Variants in TOM1L2 observed in about 807,000 individuals in gnomAD.
TOM1L2 encodes TOM1-like protein 2.
A neutral mutation model predicts 67.9 loss-of-function variants in TOM1L2; 31 were observed. The ratio of observed to expected loss-of-function variants is 0.46; its 90% CI spans 0.34 to 0.62. The LOEUF is 0.62. Among genes scored for constraint, TOM1L2 ranks in the 20% least tolerant of loss-of-function variants. The pLI is 0.01. For synonymous variants in TOM1L2, 256 were observed against 254.0 expected, an observed-to-expected ratio of 1.01 and a Z score of -0.07; for missense variants, 606 against 663.5, an observed-to-expected ratio of 0.91 and a Z score of 0.95.
intron 1 of TOM1L2, among the ~76,000 whole-genome samples, chr17:17,962,054 C>T (rs1308111057): frequency 6.6e-6 from 1 of 152,206 alleles, no homozygotes; most frequent in East Asian, 1.9e-4. Context: ...AGGAAGGAAA[C>T]TTTGACATGC....
intron 11 of TOM1L2, chr17:17,862,404 A>T (rs1368948288): frequency 4.6e-6 from 1 of 219,534 alleles, no homozygotes; most frequent in Non-Finnish European, 8.9e-6. Flanking sequence ...TCTCCTGTGG[A>T]TGAGGGGCCA....
At chr17:17,854,793 C>T (rs772235089) in intron 12 of TOM1L2, among the ~76,000 whole-genome samples, 2 of 152,044 alleles carry the variant, frequency 1.3e-5, no homozygotes, top group Non-Finnish European at 2.9e-5. Context: ...CTTGGCCTCC[C>T]AAAGTGCTGG....
At chr17:17,896,378 A>G (rs1483345971) in intron 3 of TOM1L2, among the ~76,000 whole-genome samples, 3 of 152,150 alleles carry the variant, frequency 2.0e-5, no homozygotes, top group Admixed American at 6.5e-5. Context: ...TGAGGAGTAG[A>G]GCAGCCTGGG....
At chr17:17,891,839 CAGA>C (rs2038300984) in intron 4 of TOM1L2, among the ~76,000 whole-genome samples, 1 of 144,636 alleles carries the variant, frequency 6.9e-6, no homozygotes, top group South Asian at 2.2e-4. Flanking sequence ...GACAGAGAGA[CAGA>C]AGGATATTGG....
chr17:17,901,217 T>C (rs887686922), intron 2 of TOM1L2, among the ~76,000 whole-genome samples: 1 of 152,120 alleles, frequency 6.6e-6, no homozygotes, highest in African/African-American at 2.4e-5. Flanking sequence ...ATCAAAGTCA[T>C]GTCAAAGGAA....
chr17:17,866,167 G>C lies in TOM1L2; in HGVS notation c.1084+129C>G, dbSNP rs995379226. The C allele has an allele frequency of 6.4e-5, 77 of 1,193,820 alleles. No individual in the cohort carries two copies. The East Asian group carries it at 2.1e-3, about 32-fold the overall frequency. The allele number at this position is 1,193,820 out of a possible 1,614,324, so 74.0% of individuals were successfully genotyped here. ...AGGTGGTACAACTGGCTAGGACTCA[G>C]GAATACACTTTCACATGTATTTCCC... On this transcript the variant is annotated intron_variant, in intron 10 of 14. Coordinates refer to ENST00000379504, the MANE Select transcript of TOM1L2 (RefSeq NM_001082968.2).
At chr17:17,913,717 G>A (rs2144523964) in intron 1 of TOM1L2, among the ~76,000 whole-genome samples, 1 of 152,264 alleles carries the variant, frequency 6.6e-6, no homozygotes, top group Non-Finnish European at 1.5e-5. Context: ...TGAATAGAAT[G>A]CACTGACCCT....
At chr17:17,909,867 A>G (rs1021577447) in intron 1 of TOM1L2, among the ~76,000 whole-genome samples, 1 of 152,162 alleles carries the variant, frequency 6.6e-6, no homozygotes, top group Non-Finnish European at 1.5e-5. Flanking sequence ...TGTTTCTACA[A>G]AAAATTTAAA....
intron 3 of TOM1L2, among the ~76,000 whole-genome samples, chr17:17,895,506 G>A (rs535110774): frequency 1.1e-3 from 171 of 152,346 alleles, no homozygotes; most frequent in African/African-American, 4.0e-3. Context: ...AACATATGGA[G>A]TTTTATCCAA....
intron 1 of TOM1L2, among the ~76,000 whole-genome samples, chr17:17,913,238 C>T (rs1343190823): frequency 6.9e-6 from 1 of 145,128 alleles, no homozygotes; most frequent in African/African-American, 2.6e-5. Flanking sequence ...CGTGGGGAGA[C>T]GGGGGAGACC....
chr17:17,846,947 C>G lies in TOM1L2; in HGVS notation c.*688G>C, dbSNP rs2035673899. 2.6e-5 allele frequency: 4 copies of G among 152,402 alleles called. No homozygotes were observed. The highest frequency in any genetic ancestry group is 2.6e-4 in the Admixed American group (4 of 15,298). The allele number at this position is 152,402 out of a possible 1,614,324, so 9.4% of individuals were successfully genotyped here. A position where few individuals can be genotyped will look rare whatever the true frequency, so the allele number is the denominator to read the frequency against. ...TGCCCTCCCAATTGTCCTTGGCCCT[C>G]TCCCTGCCCAGGGAGCCTGCAGGGA... On this transcript the variant is annotated 3_prime_UTR_variant, in exon 15 of 15. Transcript: ENST00000379504.
At chr17:17,895,604 T>C (rs1243419115) in intron 3 of TOM1L2, among the ~76,000 whole-genome samples, 1 of 152,220 alleles carries the variant, frequency 6.6e-6, no homozygotes, top group Non-Finnish European at 1.5e-5. Flanking sequence ...GACATTGATC[T>C]AGGTACAAAT....
At chr17:17,966,251 T>A (rs1444316904) in intron 1 of TOM1L2, among the ~76,000 whole-genome samples, 1 of 152,206 alleles carries the variant, frequency 6.6e-6, no homozygotes, top group East Asian at 1.9e-4. Flanking sequence ...AACTACTTTC[T>A]ATCTGATCTA....
chr17:17,865,742 C>CTTTTT (rs35408977), intron 10 of TOM1L2, among the ~76,000 whole-genome samples: 5 of 103,536 alleles, frequency 4.8e-5, no homozygotes, highest in African/African-American at 6.9e-5. Flanking sequence ...GGTGACCTTT[C>CTTTTT]TTTTTTTTTT....
At chr17:17,915,145 G>A (rs1023785150) in intron 1 of TOM1L2, among the ~76,000 whole-genome samples, 1 of 152,194 alleles carries the variant, frequency 6.6e-6, no homozygotes, top group Admixed American at 6.5e-5. Flanking sequence ...GAGTATCGGC[G>A]AAGTGTGGAT....
chr17:17,907,823 G>A (rs763415717), intron 1 of TOM1L2, among the ~76,000 whole-genome samples: 5 of 152,180 alleles, frequency 3.3e-5, no homozygotes, highest in Admixed American at 1.3e-4. Flanking sequence ...TTATGAACCC[G>A]TAGAGTCTGG....
At chr17:17,898,002 G>A (rs372812461) in intron 3 of TOM1L2, among the ~76,000 whole-genome samples, 2 of 148,022 alleles carry the variant, frequency 1.4e-5, no homozygotes, top group Admixed American at 6.9e-5. Context: ...CTCAGCTCAC[G>A]GCAACCTCCA....
chr17:17,878,978 C>T lies in TOM1L2; in HGVS notation c.777+649G>A, dbSNP rs1044715875. Among the ~76,000 whole-genome samples the T allele has an allele frequency of 5.3e-5, 8 of 152,154 alleles. No individual in the cohort carries two copies. In the South Asian group the frequency reaches 8.3e-4, roughly 16 times the overall value. On this transcript the variant is annotated intron_variant, in intron 7 of 14. Transcript: ENST00000379504. ...CTGGTTTCAGGGGTAGACTGCAGGC[C>T]GCCCACTCCTGGACCCCATTCTGCC... is the stretch of plus-strand genomic sequence containing the variant.
intron 1 of TOM1L2, among the ~76,000 whole-genome samples, chr17:17,954,001 C>A (rs2041320167): frequency 1.3e-5 from 2 of 152,244 alleles, no homozygotes; most frequent in African/African-American, 4.8e-5. Context: ...CAAAATCCCA[C>A]CGGCTCAACA....
Sources: allele counts gnomAD v4.1 joint callset (sites outside exome capture counted in the v4.1 genomes callset), GRCh38; gene constraint gnomAD v4.1.1; transcripts MANE v1.5; gene names NCBI Gene and HGNC (gene_info 2026-07-23, HGNC 2026-07-21).